FBP2: variants seen among roughly 807,000 people sequenced by gnomAD.
FBP2 encodes the protein fructose-bisphosphatase 2.
A neutral mutation model predicts 31.6 loss-of-function variants in FBP2; 27 were observed. The ratio of observed to expected loss-of-function variants is 0.85; its 90% CI spans 0.63 to 1.18. The LOEUF is 1.18. Among genes scored for constraint, FBP2 ranks in the 50% most tolerant of loss-of-function variants. The pLI is 0.00. For missense variants in FBP2, 421 were observed against 436.1 expected, an observed-to-expected ratio of 0.97 and a Z score of 0.31; for synonymous variants, 168 against 179.8, an observed-to-expected ratio of 0.93 and a Z score of 0.53.
chr9:94,562,525 G>A (rs898645180), intron 6 of FBP2, among the ~76,000 whole-genome samples: 1 of 152,238 alleles, frequency 6.6e-6, no homozygotes, highest in African/African-American at 2.4e-5. Context: ...CATGTGCTGT[G>A]TGAGATCTCT....
At chr9:94,591,224 A>G (rs1827497531) in intron 1 of FBP2, among the ~76,000 whole-genome samples, 1 of 152,230 alleles carries the variant, frequency 6.6e-6, no homozygotes, top group Admixed American at 6.5e-5. Context: ...CTCGGGCCGC[A>G]CAGGAGCCCA....
intron 5 of FBP2, 91 bp downstream of exon 5, chr9:94,567,179 C>T: frequency 7.4e-7 from 1 of 1,347,340 alleles, no homozygotes; most frequent in South Asian, 1.2e-5. Flanking sequence ...TGGCACCAAC[C>T]TCTTTCAGCA....
chr9:94,590,591 G>A (rs530966829), intron 1 of FBP2, among the ~76,000 whole-genome samples: 1 of 152,290 alleles, frequency 6.6e-6, no homozygotes, highest in Non-Finnish European at 1.5e-5. Flanking sequence ...GTGGGCTCGT[G>A]GTCTCACTGG....
chr9:94,581,040 A>G (rs1827367810), intron 3 of FBP2, among the ~76,000 whole-genome samples: 1 of 152,222 alleles, frequency 6.6e-6, no homozygotes, highest in South Asian at 2.1e-4. Flanking sequence ...CTAAAGTAAT[A>G]TGATTTATTC....
At position 94,567,485 on chromosome 9, in the gene FBP2, CAGG is replaced by C. The variant is rs1022626541; in HGVS notation, c.568-81_568-79del. On this transcript the variant is annotated intron_variant, in intron 4 of 6. Transcript: ENST00000375337. ...CAACCGCACAATCCCCACATCAGAG[CAGG>C]AGAAGATGGGGGCCTGCTGGCAGAG... 96 of 1,561,376 alleles carry C rather than the reference CAGG, an allele frequency of 6.1e-5. No individual in the cohort carries two copies. The Middle Eastern group carries it at 3.1e-3, about 50-fold the overall frequency.
intron 1 of FBP2, among the ~76,000 whole-genome samples, chr9:94,589,365 C>T (rs1329249782): frequency 2.6e-5 from 4 of 152,178 alleles, no homozygotes; most frequent in South Asian, 2.1e-4. Context: ...CTCTCTGGGA[C>T]GCCTCCCTGG....
chr9:94,565,793 A>AGAT (rs1564180729), intron 5 of FBP2, among the ~76,000 whole-genome samples: 149 of 128,032 alleles, frequency 1.2e-3, no homozygotes, highest in African/African-American at 5.5e-3. Context: ...GATAGATGAT[A>AGAT]GATAGGTGAG....
chr9:94,588,086 G>C (rs954915842), intron 1 of FBP2, among the ~76,000 whole-genome samples: 14 of 151,762 alleles, frequency 9.2e-5, no homozygotes, highest in Admixed American at 6.6e-5. Flanking sequence ...CTCCTGACCT[G>C]GTGATCCACC....
chr9:94,565,776 A>AT (rs1433142443), intron 5 of FBP2, among the ~76,000 whole-genome samples: 3 of 62,352 alleles, frequency 4.8e-5, no homozygotes, highest in African/African-American at 2.2e-4. Flanking sequence ...TAGATGATAG[A>AT]TAGATAGATA....
intron 3 of FBP2, chr9:94,576,506 G>T (rs533417155): frequency 2.0e-5 from 3 of 152,414 alleles, no homozygotes; most frequent in Admixed American, 2.0e-4. Context: ...GGCCTGTGGG[G>T]CTGCCTGTAG....
intron 3 of FBP2, 40 bp downstream of exon 3, chr9:94,584,536 AC>A: frequency 7.9e-7 from 1 of 1,263,272 alleles, no homozygotes; most frequent in Non-Finnish European, 1.2e-6. Flanking sequence ...TCCAGAGACC[AC>A]CACAGGAAGG....
At chr9:94,584,736 G>A in intron 2 of FBP2, 67 bp from the exon 3 acceptor site, 1 of 976,342 alleles carries the variant, frequency 1.0e-6, no homozygotes, top group Non-Finnish European at 1.7e-6. Flanking sequence ...CTCTGTGTCA[G>A]GGCTGTGCGT....
chr9:94,562,236 G>T (rs1306402936), intron 6 of FBP2, among the ~76,000 whole-genome samples: 1 of 151,410 alleles, frequency 6.6e-6, no homozygotes, highest in Non-Finnish European at 1.5e-5. Context: ...TGTGAACCTG[G>T]GAGGCGGAGC....
At chr9:94,576,284 G>A (rs1298762057) in intron 3 of FBP2, among the ~76,000 whole-genome samples, 2 of 152,046 alleles carry the variant, frequency 1.3e-5, no homozygotes, top group Admixed American at 6.5e-5. Context: ...CCCTTCCCCC[G>A]AAATAGTCAA....
intron 4 of FBP2, 120 bp downstream of exon 4, chr9:94,571,342 G>C: frequency 9.2e-7 from 1 of 1,084,618 alleles, no homozygotes; most frequent in East Asian, 2.8e-5. Context: ...AGGCTCTCAG[G>C]ACCCCTGGTC....
chr9:94,590,961 A>G (rs1487519549), intron 1 of FBP2, among the ~76,000 whole-genome samples: 1 of 152,222 alleles, frequency 6.6e-6, no homozygotes, highest in Non-Finnish European at 1.5e-5. Flanking sequence ...CAGAGTGTCG[A>G]TTGGTGCACT....
chr9:94,584,931 C>T (rs1827410972), intron 2 of FBP2, among the ~76,000 whole-genome samples: 1 of 152,108 alleles, frequency 6.6e-6, no homozygotes, highest in Non-Finnish European at 1.5e-5. Context: ...GACCAACGTC[C>T]CCCACACCCA....
chr9:94,584,505 C>A lies in FBP2; in HGVS notation c.426+72G>T, dbSNP rs549394566. ...GACAAAGGGTAGGACTCCAAACACA[C>A]GGTTTTCAGCCCAGGAACCTTCCAG... On this transcript the variant is annotated intron_variant, in intron 3 of 6. Coordinates refer to ENST00000375337, the MANE Select transcript of FBP2 (RefSeq NM_003837.4). The A allele has an allele frequency of 6.0e-6, 6 of 994,786 alleles. No individual in the cohort carries two copies. In the East Asian group the frequency reaches 1.5e-4, roughly 24 times the overall value. The allele number at this position is 994,786 out of a possible 1,614,324, so 61.6% of individuals were successfully genotyped here. A position where few individuals can be genotyped will look rare whatever the true frequency, so the allele number is the denominator to read the frequency against.
intron 1 of FBP2, among the ~76,000 whole-genome samples, chr9:94,589,871 G>C (rs1342599545): frequency 6.6e-6 from 1 of 152,090 alleles, no homozygotes; most frequent in Non-Finnish European, 1.5e-5. Flanking sequence ...AAGCAAGCAA[G>C]CAACAGCAGC....
Sources: gnomAD v4.1 joint callset for allele counts (sites outside exome capture counted in the v4.1 genomes callset) on GRCh38, gnomAD v4.1.1 for gene constraint, MANE v1.5 for transcripts, NCBI Gene and HGNC (gene_info 2026-07-23, HGNC 2026-07-21) for gene names.